ATP8A2: variants seen among roughly 807,000 people sequenced by gnomAD.
ATP8A2 encodes phospholipid-transporting ATPase IB.
Under a neutral mutation model 165.6 loss-of-function variants are expected in ATP8A2, and 100 were observed. The ratio of observed to expected loss-of-function variants is 0.60; its 90% confidence interval spans 0.51 to 0.71. The LOEUF is 0.71. Among genes scored for constraint, ATP8A2 ranks in the 30% least tolerant of loss-of-function variants. The probability of loss-of-function intolerance (pLI) is 0.00; values close to 1 mark genes in which losing one functional copy is unlikely to be tolerated. For missense variants in ATP8A2, 1,227 were observed against 1,479.5 expected (o/e 0.83, Z 2.80); for synonymous variants, 543 against 548.8 (o/e 0.99, Z 0.15).
At chr13:25,523,478 G>C (rs1161611114) in intron 2 of ATP8A2, among the ~76,000 whole-genome samples, 2 of 152,094 alleles carry the variant, frequency 1.3e-5, no homozygotes, top group East Asian at 3.9e-4. Flanking sequence ...GAAATCAGCA[G>C]TGAAACCATC....
At chr13:25,797,573 T>C (rs992513029) in intron 27 of ATP8A2, among the ~76,000 whole-genome samples, 2 of 152,216 alleles carry the variant, frequency 1.3e-5, no homozygotes, top group South Asian at 2.1e-4. Flanking sequence ...TCTGCAACTA[T>C]ATAGACTGTT....
chr13:25,483,602 G>T (rs1488936237), intron 2 of ATP8A2, among the ~76,000 whole-genome samples: 3 of 152,194 alleles, frequency 2.0e-5, no homozygotes, highest in African/African-American at 4.8e-5. Context: ...ACAGCATGAT[G>T]AGAATTAAAT....
At chr13:25,641,596 G>A (rs1440151192) in intron 24 of ATP8A2, among the ~76,000 whole-genome samples, 5 of 152,022 alleles carry the variant, frequency 3.3e-5, no homozygotes, top group African/African-American at 1.2e-4. Context: ...GCTCAATGAA[G>A]TAAAAGAGGA....
At chr13:25,461,888 G>C (rs908860843) in intron 1 of ATP8A2, among the ~76,000 whole-genome samples, 3 of 152,104 alleles carry the variant, frequency 2.0e-5, no homozygotes, top group Admixed American at 6.5e-5. Context: ...GGAAGAAGGA[G>C]ACTATGAGAT....
chr13:25,479,640 T>G (rs2036101033), intron 2 of ATP8A2, among the ~76,000 whole-genome samples: 3 of 152,116 alleles, frequency 2.0e-5, no homozygotes, highest in Admixed American at 2.0e-4. Flanking sequence ...CCCTGAGGCC[T>G]TCCGCAGTGT....
chr13:25,545,754 C>A (rs2038629565), intron 10 of ATP8A2, among the ~76,000 whole-genome samples: 1 of 152,176 alleles, frequency 6.6e-6, no homozygotes, highest in Non-Finnish European at 1.5e-5. Context: ...CCCACCTCAG[C>A]CTACTGAGTA....
At chr13:25,610,574 C>T (rs1264838547) in intron 24 of ATP8A2, among the ~76,000 whole-genome samples, 1 of 151,976 alleles carries the variant, frequency 6.6e-6, no homozygotes, top group Non-Finnish European at 1.5e-5. Context: ...GTTCTTTTTG[C>T]TTAGTCTTGC....
chr13:25,656,547 A>G (rs1175855601), intron 24 of ATP8A2, among the ~76,000 whole-genome samples: 1 of 152,036 alleles, frequency 6.6e-6, no homozygotes, highest in African/African-American at 2.4e-5. Context: ...TGCTGGGATT[A>G]CAGGCGTGAG....
At chr13:25,443,521 T>C (rs2034988666) in intron 1 of ATP8A2, among the ~76,000 whole-genome samples, 1 of 152,224 alleles carries the variant, frequency 6.6e-6, no homozygotes, top group African/African-American at 2.4e-5. Context: ...TGGATCATAC[T>C]TCACAATGAT....
intron 33 of ATP8A2, among the ~76,000 whole-genome samples, chr13:25,949,956 C>G (rs772241211): frequency 8.5e-5 from 13 of 152,206 alleles, no homozygotes; most frequent in Middle Eastern, 3.4e-3. Context: ...CACACCACCA[C>G]GCCTGGCTAA....
At chr13:25,683,169 A>T (rs575001909) in intron 24 of ATP8A2, among the ~76,000 whole-genome samples, 2 of 142,122 alleles carry the variant, frequency 1.4e-5, no homozygotes, top group South Asian at 4.1e-4. Context: ...ATAGGATGAA[A>T]TAGACCAGGA....
chr13:25,792,921 A>G lies in ATP8A2; in HGVS notation c.2679+17962A>G, dbSNP rs550664881. 8.7e-4 allele frequency among the ~76,000 whole-genome samples: 132 copies of G among 151,522 alleles called. 1 individual carries two copies. Among genetic ancestry groups the G allele is most frequent in the African/African-American group, 2.8e-3 (117 of 41,262 alleles). ...CCCTGTCTCAAAAAAAAGAAAAGAA[A>G]AAGAGAGAGAGAGAAAGAAGAAAGG... On this transcript the variant is annotated intron_variant, in intron 27 of 36. Coordinates refer to ENST00000381655, the MANE Select transcript of ATP8A2 (RefSeq NM_016529.6).
chr13:25,769,339 G>C, intron 26 of ATP8A2, 110 bp downstream of exon 26: 1 of 1,097,008 alleles, frequency 9.1e-7, no homozygotes, highest in South Asian at 1.6e-5. Flanking sequence ...CACCCCTCTT[G>C]AGGTTGCTGT....
intron 27 of ATP8A2, among the ~76,000 whole-genome samples, chr13:25,804,364 G>A (rs996724591): frequency 5.3e-5 from 8 of 152,228 alleles, no homozygotes; most frequent in Non-Finnish European, 8.8e-5. Context: ...AAGCCTCTCC[G>A]CTCTGACAGG....
At chr13:25,873,074 C>T (rs306398) in intron 33 of ATP8A2, among the ~76,000 whole-genome samples, 19 of 151,934 alleles carry the variant, frequency 1.3e-4, no homozygotes, top group Non-Finnish European at 1.6e-4. Flanking sequence ...CACTCCCCAA[C>T]GCTAAATTTA....
chr13:25,755,121 A>G (rs2044233719), intron 25 of ATP8A2, among the ~76,000 whole-genome samples: 1 of 152,174 alleles, frequency 6.6e-6, no homozygotes, highest in Non-Finnish European at 1.5e-5. Flanking sequence ...AGTTGCATGT[A>G]TTCGTATGTT....
chr13:25,981,265 C>CAG (rs143415751), intron 35 of ATP8A2, among the ~76,000 whole-genome samples: 3,215 of 152,244 alleles, frequency 0.021, 125 homozygotes, highest in African/African-American at 0.073. Flanking sequence ...AAGGAACCAA[C>CAG]AGTTTGTGTA....
chr13:25,840,724 G>T (rs779330391), intron 30 of ATP8A2, among the ~76,000 whole-genome samples: 1 of 152,104 alleles, frequency 6.6e-6, no homozygotes, highest in African/African-American at 2.4e-5. Flanking sequence ...GAGTGTATAC[G>T]TATAAGAGTT....
chr13:25,920,678 G>C (rs1020554677), intron 33 of ATP8A2, among the ~76,000 whole-genome samples: 1 of 152,186 alleles, frequency 6.6e-6, no homozygotes, highest in African/African-American at 2.4e-5. Context: ...TGCAGCTTCT[G>C]GTGCTCTGAG....
Sources: gnomAD v4.1 joint callset for allele counts (sites outside exome capture counted in the v4.1 genomes callset) on GRCh38, gnomAD v4.1.1 for gene constraint, MANE v1.5 for transcripts, NCBI Gene and HGNC (gene_info 2026-07-23, HGNC 2026-07-21) for gene names.